Variants in PDGFD observed in about 807,000 individuals in gnomAD.
The protein encoded by PDGFD is platelet derived growth factor D, also known as platelet-derived growth factor D.
PDGFD carries 30 observed loss-of-function variants against 44.7 expected under a neutral mutation model. The observed-to-expected ratio is 0.67, with a 90% CI of 0.50 to 0.91. The LOEUF (loss-of-function observed/expected upper bound fraction) is 0.91. Ranked by LOEUF, PDGFD falls within the 40% of genes least tolerant of loss-of-function variation. The pLI is 0.00. For synonymous variants in PDGFD, 173 were observed against 168.4 expected, an observed-to-expected ratio of 1.03 and a Z score of -0.21; for missense variants, 445 against 457.8, an observed-to-expected ratio of 0.97 and a Z score of 0.25.
intron 1 of PDGFD, among the ~76,000 whole-genome samples, chr11:104,133,248 T>G (rs1283939069): frequency 1.3e-5 from 2 of 152,152 alleles, no homozygotes; most frequent in African/African-American, 4.8e-5. Flanking sequence ...CTTTCCTACT[T>G]TCGATTAATA....
rs756537701 is a variant in PDGFD at position 103,909,832 on chromosome 11, G to A, written c.988-13C>T. 1 of 1,613,954 alleles carries A rather than the reference G, an allele frequency of 6.2e-7. No homozygotes were observed. The highest frequency in any genetic ancestry group is 8.5e-7 in the Non-Finnish European group (1 of 1,179,908). On this transcript the variant is annotated splice_polypyrimidine_tract_variant and intron_variant, in intron 6 of 6. Transcript: ENST00000393158. ...CAAACTGTAATACCTAGGACAAGAA[G>A]CACATCTCCTGTTAGAAAGCCTTTG... is the stretch of plus-strand genomic sequence containing the variant.
intron 1 of PDGFD, among the ~76,000 whole-genome samples, chr11:104,137,728 C>CTTTTTTTT (rs5794295): frequency 1.3e-5 from 1 of 76,618 alleles, no homozygotes; most frequent in Non-Finnish European, 2.5e-5. Context: ...TAGATCACCA[C>CTTTTTTTT]TTTTTTTTTT....
intron 1 of PDGFD, among the ~76,000 whole-genome samples, chr11:104,012,894 T>C (rs1859804337): frequency 1.3e-5 from 2 of 152,132 alleles, no homozygotes; most frequent in Admixed American, 6.6e-5. Flanking sequence ...GGCAGGGAAA[T>C]ACTGGGTAGA....
chr11:104,154,578 G>C (rs900070862), intron 1 of PDGFD, among the ~76,000 whole-genome samples: 10 of 152,270 alleles, frequency 6.6e-5, no homozygotes, highest in African/African-American at 2.2e-4. Flanking sequence ...AAAGTGAAGA[G>C]AAACAGTAAA....
intron 1 of PDGFD, among the ~76,000 whole-genome samples, chr11:104,023,506 T>A (rs754349441): frequency 6.6e-6 from 1 of 152,128 alleles, no homozygotes; most frequent in Non-Finnish European, 1.5e-5. Flanking sequence ...AAAAAGATGT[T>A]TATTATTTAT....
At position 103,989,996 on chromosome 11, in the gene PDGFD, T is replaced by C. The variant is rs148764746; in HGVS notation, c.510+6069A>G. On this transcript the variant is annotated intron_variant, in intron 3 of 6. Coordinates refer to ENST00000393158, the MANE Select transcript of PDGFD (RefSeq NM_025208.5). ...TATCTAACCCTTTGGATTATCTTTG[T>C]TTAGTGTCTTATTGATACTTTTGTA... Among the ~76,000 whole-genome samples, 667 of 152,226 alleles carry C rather than the reference T, an allele frequency of 4.4e-3. 3 individuals carry two copies. The highest frequency in any genetic ancestry group is 0.027 in the Middle Eastern group (8 of 294).
At chr11:104,016,740 T>C (rs1436561449) in intron 1 of PDGFD, among the ~76,000 whole-genome samples, 9 of 152,228 alleles carry the variant, frequency 5.9e-5, no homozygotes, top group Non-Finnish European at 1.5e-5. Context: ...AAGGGCACCA[T>C]GGCCACTGTT....
intron 1 of PDGFD, chr11:104,038,358 T>G: frequency 4.5e-6 from 1 of 221,014 alleles, no homozygotes; most frequent in Non-Finnish European, 9.9e-6. Context: ...TTTTGCAGAA[T>G]TCCCTGGAAA....
intron 1 of PDGFD, among the ~76,000 whole-genome samples, chr11:104,021,580 T>TGGGTAGC (rs1227799214): frequency 6.6e-6 from 1 of 152,156 alleles, no homozygotes; most frequent in Non-Finnish European, 1.5e-5. Flanking sequence ...GCACATGTAT[T>TGGGTAGC]GGGTAGCTTG....
chr11:104,093,347 C>T (rs745353476), intron 1 of PDGFD, among the ~76,000 whole-genome samples: 1 of 152,046 alleles, frequency 6.6e-6, no homozygotes, highest in Non-Finnish European at 1.5e-5. Context: ...CACTATCACA[C>T]CAATTGAGTG....
intron 1 of PDGFD, among the ~76,000 whole-genome samples, chr11:104,030,029 A>C (rs997686128): frequency 2.6e-5 from 4 of 152,250 alleles, no homozygotes; most frequent in Non-Finnish European, 4.4e-5. Flanking sequence ...GACGGGTCTT[A>C]GTCAAAATGT....
Position 103,967,165 on chromosome 11 carries a change from A to G in PDGFD, c.511-19441T>C, listed in dbSNP as rs116253256. On this transcript the variant is annotated intron_variant, in intron 3 of 6. Coordinates refer to ENST00000393158, the MANE Select transcript of PDGFD (RefSeq NM_025208.5). ...TGTAGGCATATAAAGGTAAACTCAT[A>G]CACAGATACTTCCTCTCAAACTCAG... 2.1e-3 allele frequency among the ~76,000 whole-genome samples: 319 copies of G among 152,322 alleles called. 1 individual carries two copies. The highest frequency in any genetic ancestry group is 7.2e-3 in the African/African-American group (301 of 41,578).
In PDGFD at chr11:104,057,965, A is replaced by G. The variant is rs556752408; in HGVS notation, c.125-57710T>C. On this transcript the variant is annotated intron_variant, in intron 1 of 6. Transcript: ENST00000393158. ...GTGCTAGAACAACAGAGAATCCATA[A>G]GCAAAAAACAAAAGAACTTGGGCTG... Among the ~76,000 whole-genome samples, 4 of 152,322 alleles carry G rather than the reference A, an allele frequency of 2.6e-5. No individual in the cohort carries two copies. The East Asian group carries it at 7.7e-4, about 29-fold the overall frequency.
At chr11:103,951,536 C>T (rs1231565269) in intron 3 of PDGFD, among the ~76,000 whole-genome samples, 3 of 152,170 alleles carry the variant, frequency 2.0e-5, no homozygotes, top group Non-Finnish European at 4.4e-5. Flanking sequence ...TACCATTTGC[C>T]TCTATGAACT....
At chr11:104,049,950 G>C (rs1213683421) in intron 1 of PDGFD, among the ~76,000 whole-genome samples, 1 of 152,176 alleles carries the variant, frequency 6.6e-6, no homozygotes, top group East Asian at 1.9e-4. Flanking sequence ...TCTCAGGAGA[G>C]AATTCTTTCA....
chr11:104,094,578 C>CA (rs573381892), intron 1 of PDGFD, among the ~76,000 whole-genome samples: 6 of 151,736 alleles, frequency 4.0e-5, no homozygotes, highest in Admixed American at 6.6e-5. Flanking sequence ...CTGCCCAGGA[C>CA]AAAAAAAATT....
At chr11:104,059,394 A>G (rs1860674892) in intron 1 of PDGFD, among the ~76,000 whole-genome samples, 1 of 152,218 alleles carries the variant, frequency 6.6e-6, no homozygotes. Context: ...TGATTCTTAA[A>G]TATCTTTATA....
intron 6 of PDGFD, among the ~76,000 whole-genome samples, chr11:103,915,268 T>C (rs185953126): frequency 1.2e-4 from 19 of 152,284 alleles, no homozygotes; most frequent in South Asian, 2.1e-4. Flanking sequence ...ACAAAATCAA[T>C]GTGCAAAAAT....
intron 1 of PDGFD, among the ~76,000 whole-genome samples, chr11:104,006,690 A>G (rs1859707657): frequency 6.6e-6 from 1 of 152,178 alleles, no homozygotes; most frequent in African/African-American, 2.4e-5. Context: ...CGTGGCAGAG[A>G]GAAGAGAAGG....
Sources: allele counts gnomAD v4.1 joint callset (sites outside exome capture counted in the v4.1 genomes callset), GRCh38; gene constraint gnomAD v4.1.1; transcripts MANE v1.5; gene names NCBI Gene and HGNC (gene_info 2026-07-23, HGNC 2026-07-21).